Variants in GPC6 observed in about 807,000 individuals in gnomAD.
GPC6 encodes the protein glypican-6.
Under a neutral mutation model 55.2 loss-of-function variants are expected in GPC6, and 14 were observed. The observed-to-expected ratio is 0.25, with a 90% CI of 0.17 to 0.40. The LOEUF (loss-of-function observed/expected upper bound fraction) is 0.40. Ranked by LOEUF, GPC6 falls within the 10% of genes least tolerant of loss-of-function variation. GPC6 has a pLI of 1.00. For missense variants in GPC6, 641 were observed against 708.5 expected (o/e 0.90, Z 1.08); for synonymous variants, 278 against 259.6 (o/e 1.07, Z -0.68).
intron 4 of GPC6, among the ~76,000 whole-genome samples, chr13:94,116,420 G>C (rs1886430908): frequency 1.3e-5 from 2 of 152,032 alleles, no homozygotes; most frequent in South Asian, 4.1e-4. Flanking sequence ...GGGTTGGAAG[G>C]GGACAGGGGA....
chr13:93,441,722 C>T (rs556707742), intron 1 of GPC6, among the ~76,000 whole-genome samples: 1 of 152,154 alleles, frequency 6.6e-6, no homozygotes, highest in Admixed American at 6.5e-5. Flanking sequence ...TCAATTTTGG[C>T]TTTTGTTGCC....
At chr13:93,683,469 G>A (rs528987644) in intron 2 of GPC6, among the ~76,000 whole-genome samples, 1 of 152,072 alleles carries the variant, frequency 6.6e-6, no homozygotes, top group Admixed American at 6.5e-5. Context: ...TTAATATATA[G>A]CAAGTCTAAT....
intron 1 of GPC6, among the ~76,000 whole-genome samples, chr13:93,515,935 T>C (rs919265249): frequency 4.6e-5 from 7 of 151,966 alleles, no homozygotes; most frequent in African/African-American, 1.7e-4. Context: ...AAATAGTAAA[T>C]ATCTAGCAAA....
chr13:93,359,419 C>T (rs902358814), intron 1 of GPC6, among the ~76,000 whole-genome samples: 2 of 152,180 alleles, frequency 1.3e-5, no homozygotes, highest in Admixed American at 6.5e-5. Flanking sequence ...ATGGGATAAT[C>T]GTACATTCTG....
At chr13:93,604,932 G>T (rs1391465204) in intron 2 of GPC6, among the ~76,000 whole-genome samples, 2 of 152,150 alleles carry the variant, frequency 1.3e-5, no homozygotes, top group Non-Finnish European at 2.9e-5. Flanking sequence ...GTGAGGTTTT[G>T]TAAATTCAAA....
At chr13:93,235,789 A>C (rs1364555433) in intron 1 of GPC6, among the ~76,000 whole-genome samples, 1 of 152,202 alleles carries the variant, frequency 6.6e-6, no homozygotes, top group East Asian at 1.9e-4. Flanking sequence ...TCCTGACTCA[A>C]CTGGCTTACA....
At position 93,538,816 on chromosome 13, in the gene GPC6, T is replaced by C. The variant is rs74108588; in HGVS notation, c.161-6447T>C. Among the ~76,000 whole-genome samples, 4 of 152,198 alleles carry C rather than the reference T, an allele frequency of 2.6e-5. No individual in the cohort carries two copies. In the East Asian group the frequency reaches 7.7e-4, roughly 29 times the overall value. ...TCCTTCAGGAAAGATTTTCTCTTTATGCACTGCCCTTAACATCTATTTCAC... is the reference window on the plus strand; with the variant it reads ...TCCTTCAGGAAAGATTTTCTCTTTACGCACTGCCCTTAACATCTATTTCAC... On this transcript the variant is annotated intron_variant, in intron 1 of 8. Transcript: ENST00000377047.
At chr13:94,328,791 G>A (rs1421187779) in intron 6 of GPC6, among the ~76,000 whole-genome samples, 1 of 152,236 alleles carries the variant, frequency 6.6e-6, no homozygotes, top group Non-Finnish European at 1.5e-5. Context: ...GCCTGCTGTG[G>A]GAGGAGATGC....
At chr13:93,316,531 T>C (rs998322930) in intron 1 of GPC6, among the ~76,000 whole-genome samples, 1 of 151,954 alleles carries the variant, frequency 6.6e-6, no homozygotes, top group East Asian at 1.9e-4. Context: ...CTCTAGGGCA[T>C]AAAGGGAAAA....
At chr13:93,601,959 A>G (rs944817703) in intron 2 of GPC6, among the ~76,000 whole-genome samples, 2 of 152,194 alleles carry the variant, frequency 1.3e-5, no homozygotes, top group East Asian at 1.9e-4. Context: ...GGAAATTTTT[A>G]ATATAGACTC....
At chr13:93,966,403 T>A (rs974973108) in intron 3 of GPC6, among the ~76,000 whole-genome samples, 1 of 152,208 alleles carries the variant, frequency 6.6e-6, no homozygotes, top group Non-Finnish European at 1.5e-5. Context: ...AGACTTTTCT[T>A]TTGCTTCATA....
intron 4 of GPC6, among the ~76,000 whole-genome samples, chr13:94,281,188 T>C (rs1187181095): frequency 6.6e-6 from 1 of 152,200 alleles, no homozygotes; most frequent in Non-Finnish European, 1.5e-5. Flanking sequence ...TTTGTAAATT[T>C]TTTAAATTTT....
intron 1 of GPC6, among the ~76,000 whole-genome samples, chr13:93,397,480 G>T (rs1379472136): frequency 1.3e-5 from 2 of 151,990 alleles, no homozygotes; most frequent in Non-Finnish European, 2.9e-5. Context: ...CATGTCTTTT[G>T]CCCATTTTGA....
At chr13:93,236,319 C>T (rs73630125) in intron 1 of GPC6, among the ~76,000 whole-genome samples, 3,177 of 152,144 alleles carry the variant, frequency 0.021, 114 homozygotes, top group African/African-American at 0.073. Flanking sequence ...GAGCTTTTAG[C>T]GTACCTGTCA....
chr13:94,344,551 A>C (rs532829278), intron 6 of GPC6, among the ~76,000 whole-genome samples: 1 of 152,340 alleles, frequency 6.6e-6, no homozygotes, highest in Middle Eastern at 3.4e-3. Context: ...AAGCATCCTG[A>C]AGCTTCATGA....
At chr13:94,214,349 T>C (rs925611647) in intron 4 of GPC6, among the ~76,000 whole-genome samples, 1 of 152,228 alleles carries the variant, frequency 6.6e-6, no homozygotes, top group Non-Finnish European at 1.5e-5. Flanking sequence ...AGCAAATTCA[T>C]CTTTCAACTT....
chr13:93,488,351 TC>T (rs1329000636), intron 1 of GPC6, among the ~76,000 whole-genome samples: 2 of 152,236 alleles, frequency 1.3e-5, no homozygotes, highest in African/African-American at 4.8e-5. Flanking sequence ...TGCCACATTT[TC>T]TTAATCTAGT....
chr13:93,653,615 C>CAT (rs1880520556), intron 2 of GPC6, among the ~76,000 whole-genome samples: 2 of 125,072 alleles, frequency 1.6e-5, no homozygotes, highest in East Asian at 2.3e-4. Context: ...TGTGTGTGTA[C>CAT]ATATATATAT....
chr13:94,120,771 G>A (rs1407583699), intron 4 of GPC6, among the ~76,000 whole-genome samples: 6 of 152,072 alleles, frequency 3.9e-5, no homozygotes. Flanking sequence ...TAAGATGTGG[G>A]GAAAGGTGTA....
Sources: gnomAD v4.1 joint callset for allele counts (sites outside exome capture counted in the v4.1 genomes callset) on GRCh38, gnomAD v4.1.1 for gene constraint, MANE v1.5 for transcripts, NCBI Gene and HGNC (gene_info 2026-07-23, HGNC 2026-07-21) for gene names.